Variants in ADAMTSL2 observed in about 807,000 individuals in gnomAD.
The protein encoded by ADAMTSL2 is ADAMTS like 2, also known as ADAMTS-like protein 2.
ADAMTSL2 carries 55 observed loss-of-function variants against 117.0 expected under a neutral mutation model. The observed-to-expected ratio is 0.47, with a 90% CI of 0.38 to 0.59. The LOEUF (loss-of-function observed/expected upper bound fraction) is 0.59, where lower values mean the gene tolerates loss of function less well. Among genes scored for constraint, ADAMTSL2 ranks in the 20% least tolerant of loss-of-function variants. The pLI, the probability that ADAMTSL2 is intolerant of heterozygous loss-of-function variation, is 0.00. For missense variants in ADAMTSL2, 1,182 were observed against 1,354.5 expected, an observed-to-expected ratio of 0.87 and a Z score of 2.00; for synonymous variants, 572 against 566.4, an observed-to-expected ratio of 1.01 and a Z score of -0.14.
Position 133,559,339 on chromosome 9 carries a change from C to A in ADAMTSL2, c.1650-1859C>A, listed in dbSNP as rs1405217633. On this transcript the variant is annotated intron_variant, in intron 11 of 18. Transcript: ENST00000651351. ...AGATGACAGGGTCTTGGGAAACCCC[C>A]CACCCACCCCCATTTTTTTTTTTTT... is the stretch of plus-strand genomic sequence containing the variant. Among the ~76,000 whole-genome samples the A allele has an allele frequency of 5.3e-5, 8 of 150,168 alleles. No individual in the cohort carries two copies. In the East Asian group the frequency reaches 1.6e-3, roughly 29 times the overall value.
In ADAMTSL2 at chr9:133,539,782, G is replaced by A. The variant is rs148682132; in HGVS notation, c.321G>A (p.Pro107=). 157 of 1,509,900 alleles carry A rather than the reference G, an allele frequency of 1.0e-4. No homozygotes were observed. The highest frequency in any genetic ancestry group is 4.9e-4 in the African/African-American group (32 of 65,822). The allele number at this position is 1,509,900 out of a possible 1,614,324, so 93.5% of individuals were successfully genotyped here. A position where few individuals can be genotyped will look rare whatever the true frequency, so the allele number is the denominator to read the frequency against. Residue 107 remains proline (P), a synonymous_variant, in exon 5 of 19, where the codon CCG becomes CCA. Transcript: ENST00000651351. ...CCTTCGCTTCCCAGGAGTGTCCGCC[G>A]GACGGGAGGAGCTTCCGCGAGGAGC... ...YQLCRVQECP[P]DGRSFREEQC...
intron 9 of ADAMTSL2, among the ~76,000 whole-genome samples, chr9:133,551,059 T>C (rs1045686276): frequency 6.6e-6 from 1 of 152,162 alleles, no homozygotes; most frequent in Non-Finnish European, 1.5e-5. Context: ...CCACCACCCA[T>C]GATTCAGTTC....
Position 133,537,470 on chromosome 9 carries a change from G to A in ADAMTSL2, c.156G>A (p.Glu52=). 1.5e-6 allele frequency: 2 copies of A among 1,361,008 alleles called. No individual in the cohort carries two copies. Among genetic ancestry groups the A allele is most frequent in the East Asian group, 2.8e-5 (1 of 36,220 alleles). The allele number at this position is 1,361,008 out of a possible 1,614,324, so 84.3% of individuals were successfully genotyped here. Residue 52 remains glutamate, a synonymous_variant, in exon 3 of 19, where the codon GAG becomes GAA. Coordinates refer to ENST00000651351, the MANE Select transcript of ADAMTSL2 (RefSeq NM_014694.4). ...ACGCCACGGCCTTCTGGTGGGGGGA[G>A]TGGACCAAGTGGACGGCGTGTTCCC... ...GTDATAFWWG[E]WTKWTACSRS...
chr9:133,555,460 G>T, intron 10 of ADAMTSL2, 98 bp from the exon 11 acceptor site: 2 of 1,486,328 alleles, frequency 1.3e-6, no homozygotes, highest in African/African-American at 1.4e-5. Context: ...GGTTCAGCTT[G>T]GTGTTTCTGG....
At chr9:133,543,694 C>A (rs11522322) in intron 7 of ADAMTSL2, among the ~76,000 whole-genome samples, 128,666 of 152,120 alleles carry the variant, frequency 0.85, 55,156 homozygotes, top group Non-Finnish European at 0.92. Flanking sequence ...TCCGGTGAGA[C>A]AAGCGTCAAG....
At chr9:133,562,962 C>T (rs1239259283) in intron 12 of ADAMTSL2, among the ~76,000 whole-genome samples, 13 of 143,834 alleles carry the variant, frequency 9.0e-5, no homozygotes, top group African/African-American at 3.3e-4. Context: ...CTGTGGGCGG[C>T]GTGGTGGGCA....
At chr9:133,570,655 C>T (rs1182172881) in intron 17 of ADAMTSL2, 148 bp downstream of exon 17, 24 of 885,600 alleles carry the variant, frequency 2.7e-5, no homozygotes, top group Non-Finnish European at 3.9e-5. Context: ...GAAAGCTTCT[C>T]AACTCCACCA....
At chr9:133,565,999 AG>A (rs1830964585) in intron 12 of ADAMTSL2, among the ~76,000 whole-genome samples, 1 of 152,214 alleles carries the variant, frequency 6.6e-6, no homozygotes, top group South Asian at 2.1e-4. Context: ...GTACCAGGCA[AG>A]GGTGCAGGGG....
chr9:133,535,346 G>GTGCAGATGGAGGTC (rs1830025888), intron 1 of ADAMTSL2, among the ~76,000 whole-genome samples: 1 of 149,132 alleles, frequency 6.7e-6, no homozygotes, highest in Non-Finnish European at 1.5e-5. Context: ...GAGGCTGAGA[G>GTGCAGATGGAGGTC]TGCAGATGGA....
At chr9:133,568,038 T>G (rs1831015625) in intron 13 of ADAMTSL2, among the ~76,000 whole-genome samples, 1 of 152,208 alleles carries the variant, frequency 6.6e-6, no homozygotes, top group African/African-American at 2.4e-5. Flanking sequence ...GAGCCCACGC[T>G]CAGGGCACCC....
At chr9:133,543,220 A>G (rs944130194) in intron 7 of ADAMTSL2, among the ~76,000 whole-genome samples, 1 of 152,148 alleles carries the variant, frequency 6.6e-6, no homozygotes, top group African/African-American at 2.4e-5. Flanking sequence ...CCCAAAGTGT[A>G]TAACTATTTT....
chr9:133,535,101 T>C (rs1415513274), intron 1 of ADAMTSL2, among the ~76,000 whole-genome samples, 184 bp downstream of exon 1: 1 of 152,058 alleles, frequency 6.6e-6, no homozygotes, highest in African/African-American at 2.4e-5. Flanking sequence ...CACCTAGCCT[T>C]GTGCGCCCGG....
intron 4 of ADAMTSL2, 44 bp from the exon 5 acceptor site, chr9:133,539,727 G>C: frequency 4.2e-6 from 5 of 1,202,376 alleles, no homozygotes; most frequent in Non-Finnish European, 4.2e-6. Context: ...TGCCTTTGTC[G>C]GGCCGAGTTC....
chr9:133,561,416 C>T (rs1830725323), intron 12 of ADAMTSL2, 121 bp downstream of exon 12: 1 of 868,862 alleles, frequency 1.2e-6, no homozygotes, highest in Non-Finnish European at 1.9e-6. Context: ...GGGTGCTTGT[C>T]CGTGGCCTCC....
intron 9 of ADAMTSL2, among the ~76,000 whole-genome samples, chr9:133,547,679 C>A (rs1167716338): frequency 6.6e-6 from 1 of 152,146 alleles, no homozygotes; most frequent in African/African-American, 2.4e-5. Context: ...CTCCCTACCC[C>A]ACGGTGGAGG....
intron 11 of ADAMTSL2, 152 bp from the exon 12 acceptor site, chr9:133,561,046 C>T (rs998324268): frequency 3.9e-5 from 28 of 721,086 alleles, no homozygotes; most frequent in South Asian, 1.0e-4. Flanking sequence ...GAACTCTGAC[C>T]GTAGCAGGTG....
intron 8 of ADAMTSL2, among the ~76,000 whole-genome samples, 171 bp downstream of exon 8, chr9:133,544,721 T>C (rs1177944493): frequency 6.6e-6 from 1 of 152,130 alleles, no homozygotes; most frequent in African/African-American, 2.4e-5. Context: ...TGGGTGTGGC[T>C]GGGGTGCTCA....
In ADAMTSL2 at chr9:133,570,362, A is replaced by C; in HGVS notation, c.2447A>C (p.Lys816Thr). Reference protein sequence around the residue: ...CNTTCGRGVKKRLVLCMELAN... With the variant: ...CNTTCGRGVKTRLVLCMELAN... ...ACCACCTGCGGGCGCGGGGTCAAGA[A>C]GCGGCTGGTGCTCTGCATGGAGCTG... Residue 816 changes from lysine to threonine, a missense_variant, in exon 17 of 19, where the codon AAG (lysine) becomes ACG (threonine). Transcript: ENST00000651351. The C allele has an allele frequency of 1.9e-6, 3 of 1,552,262 alleles. No individual in the cohort carries two copies. Among genetic ancestry groups the C allele is most frequent in the Non-Finnish European group, 2.6e-6 (3 of 1,149,486 alleles).
At chr9:133,566,801 G>T in intron 12 of ADAMTSL2, 135 bp from the exon 13 acceptor site, 1 of 1,201,152 alleles carries the variant, frequency 8.3e-7, no homozygotes, top group Non-Finnish European at 1.2e-6. Flanking sequence ...TGCCACAGTT[G>T]CACAAGCTGT....
Sources: allele counts gnomAD v4.1 joint callset (sites outside exome capture counted in the v4.1 genomes callset), GRCh38; gene constraint gnomAD v4.1.1; transcripts MANE v1.5; gene names NCBI Gene and HGNC (gene_info 2026-07-23, HGNC 2026-07-21).